The following TASOR variants were observed in gnomAD, a reference collection of about 807,000 sequenced individuals.
TASOR encodes the protein protein TASOR.
TASOR carries 53 observed loss-of-function variants against 178.6 expected under a neutral mutation model. The observed-to-expected ratio is 0.30, with a 90% CI of 0.24 to 0.37. The LOEUF (loss-of-function observed/expected upper bound fraction) is 0.37, where lower values mean the gene tolerates loss of function less well. TASOR is among the 10% of genes least tolerant of loss of function. TASOR has a pLI of 1.00. For missense variants in TASOR, 1,815 were observed against 1,971.4 expected (o/e 0.92, Z 1.50); for synonymous variants, 713 against 696.2 (o/e 1.02, Z -0.38).
At position 56,658,956 on chromosome 3, in the gene TASOR, G is replaced by C. The variant is rs976620060; in HGVS notation, c.1368+1775C>G. ...AGAGTGAGAGAGAGACTGTGTGTGT[G>C]TGTGTGTGTGTGTGTGTGTGTGTGC... On this transcript the variant is annotated intron_variant, in intron 11 of 23. Transcript: ENST00000683822. Among the ~76,000 whole-genome samples the C allele has an allele frequency of 0.011, 1,025 of 90,116 alleles. 13 individuals are homozygous for C. The South Asian group carries it at 0.11, about 10-fold the overall frequency. 59.1% of individuals were successfully genotyped at this position (90,116 alleles called of 152,430 possible).
intron 21 of TASOR, among the ~76,000 whole-genome samples, chr3:56,626,142 A>C (rs2076794335): frequency 1.3e-5 from 2 of 152,208 alleles, no homozygotes; most frequent in African/African-American, 4.8e-5. Flanking sequence ...AGTTCTTCAT[A>C]TCCTTTAATG....
chr3:56,668,302 T>C (rs530283234), intron 6 of TASOR, 95 bp downstream of exon 6: 1 of 1,174,402 alleles, frequency 8.5e-7, no homozygotes, highest in South Asian at 1.5e-5. Flanking sequence ...TCTAGACTAA[T>C]GTGGGGACAG....
At position 56,622,930 on chromosome 3, in the gene TASOR, A is replaced by C; in HGVS notation, c.*107T>G. 1.4e-6 allele frequency: 1 copy of C among 697,656 alleles called. No homozygotes were observed. Among genetic ancestry groups the C allele is most frequent in the Non-Finnish European group, 2.2e-6 (1 of 449,902 alleles). The allele number at this position is 697,656 out of a possible 1,614,324, so 43.2% of individuals were successfully genotyped here. A position where few individuals can be genotyped will look rare whatever the true frequency, so the allele number is the denominator to read the frequency against. Reference sequence around the variant, plus strand: ...TTACAGGCCATCATGATTTAAATAAAAGAAAAAACATTTGAGAAAGAACAA... The same window carrying C: ...TTACAGGCCATCATGATTTAAATAACAGAAAAAACATTTGAGAAAGAACAA... On this transcript the variant is annotated 3_prime_UTR_variant, in exon 24 of 24. Coordinates refer to ENST00000683822, the MANE Select transcript of TASOR (RefSeq NM_001365635.2).
chr3:56,646,590 T>C lies in TASOR; in HGVS notation c.2147A>G (p.Asp716Gly). 1 of 1,612,928 alleles carries C rather than the reference T, an allele frequency of 6.2e-7. No individual in the cohort carries two copies. Among genetic ancestry groups the C allele is most frequent in the Non-Finnish European group, 8.5e-7 (1 of 1,179,912 alleles). ...SKTVLKRKLE[D>G]LPENMRKLAK... ...GAGCTTTCTCATATTTTCAGGTAGATCCTCAAGCTTCCTCTTCAAGACAGT... is the reference window on the plus strand; with the variant it reads ...GAGCTTTCTCATATTTTCAGGTAGACCCTCAAGCTTCCTCTTCAAGACAGT... Residue 716 changes from aspartate (D) to glycine (G), a missense_variant, in exon 14 of 24, where the codon GAT becomes GGT. Asp to Gly is a moderately conservative substitution (Grantham distance 94, BLOSUM62 -1). Transcript: ENST00000683822.
chr3:56,677,304 A>T (rs1239091693), intron 1 of TASOR, among the ~76,000 whole-genome samples: 1 of 152,208 alleles, frequency 6.6e-6, no homozygotes, highest in Non-Finnish European at 1.5e-5. Context: ...TATGTATATG[A>T]ATTATCCATT....
chr3:56,624,581 C>G lies in TASOR; in HGVS notation c.4381G>C (p.Asp1461His). The G allele has an allele frequency of 6.2e-7, 1 of 1,613,898 alleles. No individual in the cohort carries two copies. The highest frequency in any genetic ancestry group is 8.5e-7 in the Non-Finnish European group (1 of 1,179,828). Residue 1461 changes from aspartate (D) to histidine (H), a missense_variant, in exon 23 of 24, where the codon GAC (aspartate) becomes CAC (histidine). This residue lies in a region of TASOR where 278 missense variants were observed against 257.1 expected (regional missense o/e 1.08). Coordinates refer to ENST00000683822, the MANE Select transcript of TASOR (RefSeq NM_001365635.2). ...AGATTTTTAAAGTTTTGCATGAAGT[C>G]TTCAGCAGTTGCAACCACTATTCCA... ...DNGIVVATAE[D>H]FMQNFKNLVG...
chr3:56,662,540 GAAGT>G, intron 8 of TASOR, 50 bp from the exon 9 acceptor site: 1 of 848,840 alleles, frequency 1.2e-6, no homozygotes, highest in Non-Finnish European at 1.8e-6. Context: ...GCAGCCCAGA[GAAGT>G]GAGTGCACAT....
At chr3:56,671,507 G>A (rs1164506276) in intron 3 of TASOR, 93 bp downstream of exon 3, 13 of 853,534 alleles carry the variant, frequency 1.5e-5, no homozygotes, top group Admixed American at 5.9e-5. Context: ...AAAAAAGTCT[G>A]TAATTGTAAA....
At chr3:56,630,984 C>G (rs1398851155) in intron 18 of TASOR, among the ~76,000 whole-genome samples, 1 of 151,796 alleles carries the variant, frequency 6.6e-6, no homozygotes, top group Non-Finnish European at 1.5e-5. Flanking sequence ...GGAACTGTGC[C>G]CAACCTATTC....
At chr3:56,655,535 G>C (rs974600973) in intron 11 of TASOR, among the ~76,000 whole-genome samples, 1 of 152,146 alleles carries the variant, frequency 6.6e-6, no homozygotes, top group Non-Finnish European at 1.5e-5. Flanking sequence ...GGGAGGTGGA[G>C]GCATGAGGGT....
chr3:56,645,066 G>A (rs564775682), intron 14 of TASOR, among the ~76,000 whole-genome samples: 36 of 152,296 alleles, frequency 2.4e-4, no homozygotes, highest in African/African-American at 8.2e-4. Flanking sequence ...TTGAGGTCAG[G>A]AGTTCAAGAC....
chr3:56,641,872 C>A, intron 14 of TASOR, 120 bp from the exon 15 acceptor site: 1 of 1,007,886 alleles, frequency 9.9e-7, no homozygotes, highest in African/African-American at 1.6e-5. Context: ...AACCAATTTG[C>A]TTAGACTTTA....
At chr3:56,630,697 T>C (rs2076891276) in intron 18 of TASOR, among the ~76,000 whole-genome samples, 1 of 151,872 alleles carries the variant, frequency 6.6e-6, no homozygotes. Context: ...TACAAAAAAT[T>C]AGCTGGGAGT....
At position 56,621,558 on chromosome 3, in the gene TASOR, G is replaced by A. The variant is rs777872945; in HGVS notation, c.*1479C>T. 1 of 1,598,920 alleles carries A rather than the reference G, an allele frequency of 6.3e-7. No homozygotes were observed. Among genetic ancestry groups the A allele is most frequent in the African/African-American group, 1.3e-5 (1 of 74,416 alleles). ...GCCTTCTCCAGAAGCAAAAGGAGTT[G>A]GAAAGTAGTCTCCTGCCTTTAGCTG... On this transcript the variant is annotated 3_prime_UTR_variant, in exon 24 of 24. Transcript: ENST00000683822.
Position 56,658,194 on chromosome 3 carries a change from C to A in TASOR, c.1368+2537G>T, listed in dbSNP as rs952811035. 9.2e-5 allele frequency among the ~76,000 whole-genome samples: 14 copies of A among 152,326 alleles called. No individual in the cohort carries two copies. In the East Asian group the frequency reaches 2.5e-3, roughly 27 times the overall value. ...GATAGCTACACAAAATTCCTAGGTACATTAGATTCTGGGAGTGTATCCTTG... is the reference window on the plus strand; with the variant it reads ...GATAGCTACACAAAATTCCTAGGTAAATTAGATTCTGGGAGTGTATCCTTG... On this transcript the variant is annotated intron_variant, in intron 11 of 23. Coordinates refer to ENST00000683822, the MANE Select transcript of TASOR (RefSeq NM_001365635.2).
chr3:56,662,920 T>G (rs1389701778), intron 8 of TASOR, among the ~76,000 whole-genome samples: 1 of 152,218 alleles, frequency 6.6e-6, no homozygotes, highest in East Asian at 1.9e-4. Flanking sequence ...GGCTCACACC[T>G]GTAACCCCAG....
rs79967660 is a variant in TASOR at position 56,668,638 on chromosome 3, T to C, written c.736-80A>G. On this transcript the variant is annotated intron_variant, in intron 5 of 23. Coordinates refer to ENST00000683822, the MANE Select transcript of TASOR (RefSeq NM_001365635.2). ...AACATTAATATTATGAAATACTTCT[T>C]TGAATATAGATCAACTATCCCAACC... 3,191 of 1,033,874 alleles carry C rather than the reference T, an allele frequency of 3.1e-3. 61 individuals carry two copies. In the African/African-American group the frequency reaches 0.044, roughly 14 times the overall value. 64.0% of individuals were successfully genotyped at this position (1,033,874 alleles called of 1,614,324 possible). A position where few individuals can be genotyped will look rare whatever the true frequency, so the allele number is the denominator to read the frequency against.
At chr3:56,674,472 G>A (rs1441634069) in intron 1 of TASOR, among the ~76,000 whole-genome samples, 7 of 151,914 alleles carry the variant, frequency 4.6e-5, no homozygotes, top group African/African-American at 1.7e-4. Flanking sequence ...TTCTCCCACC[G>A]CACTCCAGTC....
At position 56,660,850 on chromosome 3, in the gene TASOR, T is replaced by C. The variant is rs759923714; in HGVS notation, c.1265-16A>G. On this transcript the variant is annotated splice_polypyrimidine_tract_variant and intron_variant, in intron 10 of 23. Transcript: ENST00000683822. ...TTCTTCAAAACTGACATAAGAAAAA[T>C]ACATAGTAAATATCCAAATCAAGTC... is the stretch of plus-strand genomic sequence containing the variant. 21 of 1,610,838 alleles carry C rather than the reference T, an allele frequency of 1.3e-5. No individual in the cohort carries two copies. The South Asian group carries it at 1.5e-4, about 12-fold the overall frequency.
Sources: gnomAD v4.1 joint callset for allele counts (sites outside exome capture counted in the v4.1 genomes callset) on GRCh38, gnomAD v4.1.1 for gene constraint, gnomAD v4.1.1 regional missense constraint, MANE v1.5 for transcripts, NCBI Gene and HGNC (gene_info 2026-07-23, HGNC 2026-07-21) for gene names.